Variants in GPR179 observed in about 807,000 individuals in gnomAD.
GPR179 encodes the protein G protein-coupled receptor 179, also known as probable G protein-coupled receptor 179.
Under a neutral mutation model 70.8 loss-of-function variants are expected in GPR179, and 52 were observed. The observed-to-expected ratio is 0.73, with a 90% CI of 0.59 to 0.93. The LOEUF (loss-of-function observed/expected upper bound fraction) is 0.93, where lower values mean the gene tolerates loss of function less well. GPR179 is among the 40% of genes least tolerant of loss of function. The probability of loss-of-function intolerance (pLI) is 0.00; values close to 1 mark genes in which losing one functional copy is unlikely to be tolerated. For synonymous variants in GPR179, 1,123 were observed against 1,169.0 expected, an observed-to-expected ratio of 0.96 and a Z score of 0.80; for missense variants, 2,734 against 2,966.8, an observed-to-expected ratio of 0.92 and a Z score of 1.82.
chr17:38,341,853 C>G (rs1273394466), intron 1 of GPR179, among the ~76,000 whole-genome samples: 1 of 152,168 alleles, frequency 6.6e-6, no homozygotes, highest in African/African-American at 2.4e-5. Context: ...TGTGGTGGCT[C>G]ACACCTGTAA....
chr17:38,331,257 G>T lies in GPR179; in HGVS notation c.2312C>A (p.Ser771Tyr). Reference protein sequence around the residue: ...EPEGTPALHKSRSTYDQRREQ... With the variant: ...EPEGTPALHKYRSTYDQRREQ... ...CCTGCGCTGGTCATAGGTGCTGCGG[G>T]ACTTGTGCAGAGCTGGTGTCCCCTC... Residue 771 changes from serine to tyrosine, a missense_variant, in exon 11 of 11, where the codon TCC (serine) becomes TAC (tyrosine). Physicochemically the swap from Ser to Tyr is moderately radical, Grantham distance 144. Transcript: ENST00000616987. The T allele has an allele frequency of 3.1e-6, 5 of 1,589,404 alleles. No individual in the cohort carries two copies. The highest frequency in any genetic ancestry group is 4.3e-6 in the Non-Finnish European group (5 of 1,168,676).
rs2037309609 is a variant in GPR179, at chr17:38,328,196, C to T, written c.5373G>A (p.Leu1791=). ...CACCTGGCCTGCAGCCCATATGATC[C>T]AGTTCCTGGAACCCAGCTTTTGGTC... is the stretch of plus-strand genomic sequence containing the variant. ...ADGPKAGFQE[L]DHMGCRPGEV... Residue 1791 remains leucine, a synonymous_variant, in exon 11 of 11, where the codon CTG becomes CTA. Coordinates refer to ENST00000616987, the MANE Select transcript of GPR179 (RefSeq NM_001004334.4). 1 of 1,612,950 alleles carries T rather than the reference C, an allele frequency of 6.2e-7. No homozygotes were observed. Among genetic ancestry groups the T allele is most frequent in the East Asian group, 2.2e-5 (1 of 44,794 alleles).
In GPR179 at chr17:38,339,324, G is replaced by A. The variant is rs918205858; in HGVS notation, c.903+93C>T. The A allele has an allele frequency of 5.3e-6, 4 of 758,572 alleles. No homozygotes were observed. In the Admixed American group the frequency reaches 6.5e-5, roughly 12 times the overall value. 47.0% of individuals were successfully genotyped at this position (758,572 alleles called of 1,614,324 possible). A position where few individuals can be genotyped will look rare whatever the true frequency, so the allele number is the denominator to read the frequency against. On this transcript the variant is annotated intron_variant, in intron 2 of 10. Coordinates refer to ENST00000616987, the MANE Select transcript of GPR179 (RefSeq NM_001004334.4). ...AGCCCTGAGATGCTGGGGTAGCTTT[G>A]TCTGCTGCTCCTGGGAGCTGCATGG...
chr17:38,337,288 G>C, intron 3 of GPR179, 75 bp from the exon 4 acceptor site: 1 of 1,494,300 alleles, frequency 6.7e-7, no homozygotes, highest in Non-Finnish European at 8.9e-7. Context: ...TTCCCTGATA[G>C]TCACCACAGC....
At position 38,330,250 on chromosome 17, in the gene GPR179, C is replaced by T; in HGVS notation, c.3319G>A (p.Val1107Met). 6.3e-7 allele frequency: 1 copy of T among 1,589,896 alleles called. No individual in the cohort carries two copies. Among genetic ancestry groups the T allele is most frequent in the Non-Finnish European group, 8.6e-7 (1 of 1,166,142 alleles). ...TTCTGCCCCTCGGGACTCTCCTCCA[C>T]ACTCTCCTTCTCTCTGTAGGTGCTC... ...SRSTYREKESVEESPEGQNSG... is the reference protein window; with the variant it reads ...SRSTYREKESMEESPEGQNSG... Residue 1107 changes from valine (V) to methionine (M), a missense_variant, in exon 11 of 11, where the codon GTG (valine) becomes ATG (methionine). Coordinates refer to ENST00000616987, the MANE Select transcript of GPR179 (RefSeq NM_001004334.4).
chr17:38,328,402 C>G lies in GPR179; in HGVS notation c.5167G>C (p.Ala1723Pro). The G allele has an allele frequency of 6.2e-7, 1 of 1,614,072 alleles. No homozygotes were observed. The highest frequency in any genetic ancestry group is 1.1e-5 in the South Asian group (1 of 91,080). The change falls in exon 11 of 11, where the codon GCC becomes CCC. Residue 1723 changes from alanine to proline, a missense_variant. By Grantham distance (27) the Ala-to-Pro change is conservative (BLOSUM62 -1). Coordinates refer to ENST00000616987, the MANE Select transcript of GPR179 (RefSeq NM_001004334.4). ...GTATCATTTGGAGATTTCCTAATGG[C>G]CTCAGCTCCCAAAGCCCTTTCCTCC... ...AGEERALGAEAIRKSPNDTGK... is the reference protein window; with the variant it reads ...AGEERALGAEPIRKSPNDTGK...
chr17:38,330,127 C>T lies in GPR179; in HGVS notation c.3442G>A (p.Asp1148Asn), dbSNP rs202183326. ...TGGTTCTGGAGGGACTCCTTGTCAT[C>T]GGAGGGGATAAGAGCGGCCTGCTTA... is the stretch of plus-strand genomic sequence containing the variant. ...VSKQAALIPS[D>N]DKESLQNQQN... Residue 1148 changes from aspartate (D) to asparagine (N), a missense_variant, in exon 11 of 11, where the codon GAT becomes AAT. Asp to Asn is a conservative substitution (Grantham distance 23). Transcript: ENST00000616987. 33 of 1,606,746 alleles carry T rather than the reference C, an allele frequency of 2.1e-5. No homozygotes were observed. The highest frequency in any genetic ancestry group is 4.0e-5 in the African/African-American group (3 of 74,740).
In GPR179 at chr17:38,331,152, G is replaced by A. The variant is rs760866614; in HGVS notation, c.2417C>T (p.Ser806Leu). The A allele has an allele frequency of 4.4e-6, 7 of 1,606,858 alleles. No homozygotes were observed. Among genetic ancestry groups the A allele is most frequent in the Admixed American group, 3.3e-5 (2 of 59,834 alleles). ...KKASRTESRE[S>L]VEGPPALGFR... ...GCCCAGGGCAGGGGGCCCCTCCACC[G>A]ACTCCCGGCTCTCTGTTCGAGAGGC... Residue 806 changes from serine to leucine, a missense_variant, in exon 11 of 11, where the codon TCG (serine) becomes TTG (leucine). Transcript: ENST00000616987.
intron 2 of GPR179, 140 bp downstream of exon 2, chr17:38,339,277 C>A: frequency 1.7e-6 from 1 of 597,978 alleles, no homozygotes; most frequent in Non-Finnish European, 3.0e-6. Context: ...TCACCTCTGC[C>A]AATCACTAGG....
chr17:38,336,829 G>T, intron 4 of GPR179, 149 bp downstream of exon 4: 1 of 805,788 alleles, frequency 1.2e-6, no homozygotes. Context: ...GGTCCAAGGC[G>T]GAGAAATCAC....
intron 10 of GPR179, among the ~76,000 whole-genome samples, chr17:38,332,186 G>A (rs1009010832): frequency 6.6e-6 from 1 of 152,154 alleles, no homozygotes; most frequent in African/African-American, 2.4e-5. Context: ...ACGGGCAGAG[G>A]CACTGGAACA....
rs964353825 is a variant in GPR179 at position 38,336,829 on chromosome 17, G to A, written c.1227+149C>T. On this transcript the variant is annotated intron_variant, in intron 4 of 10. Coordinates refer to ENST00000616987, the MANE Select transcript of GPR179 (RefSeq NM_001004334.4). ...ACAGATGAGGAAGCAGGTCCAAGGC[G>A]GAGAAATCACTTGCATCATGCTACA... 3.2e-5 allele frequency: 26 copies of A among 805,670 alleles called. No individual in the cohort carries two copies. The African/African-American group carries it at 3.6e-4, about 11-fold the overall frequency. 49.9% of individuals were successfully genotyped at this position (805,670 alleles called of 1,614,324 possible).
At position 38,341,841 on chromosome 17, in the gene GPR179, G is replaced by C. The variant is rs573456289; in HGVS notation, c.794+1155C>G. On this transcript the variant is annotated intron_variant, in intron 1 of 10. Coordinates refer to ENST00000616987, the MANE Select transcript of GPR179 (RefSeq NM_001004334.4). Reference sequence around the variant, plus strand: ...CCCCTCAAGAGTTTTCCTTCCGCTGGGTGTGGTGGCTCACACCTGTAATCC... The same window carrying C: ...CCCCTCAAGAGTTTTCCTTCCGCTGCGTGTGGTGGCTCACACCTGTAATCC... 1.8e-4 allele frequency among the ~76,000 whole-genome samples: 27 copies of C among 152,266 alleles called. 1 individual carries two copies. In the South Asian group the frequency reaches 5.6e-3, roughly 32 times the overall value.
Position 38,330,064 on chromosome 17 carries a change from G to T in GPR179, c.3505C>A (p.Gln1169Lys). 1 of 1,614,176 alleles carries T rather than the reference G, an allele frequency of 6.2e-7. No homozygotes were observed. The highest frequency in any genetic ancestry group is 8.5e-7 in the Non-Finnish European group (1 of 1,180,006). Reference sequence around the variant, plus strand: ...TCTTGTTCCCTGCTGCCCTCCCGTTGACAGACTTGGAGCATCCTGCTGGTG... The same window carrying T: ...TCTTGTTCCCTGCTGCCCTCCCGTTTACAGACTTGGAGCATCCTGCTGGTG... The part of the protein sequence containing the change: ...AHTSRMLQVC[Q>K]REGSREQEDR... The change falls in exon 11 of 11, where the codon CAA (glutamine) becomes AAA (lysine). Residue 1169 changes from glutamine to lysine, a missense_variant. Coordinates refer to ENST00000616987, the MANE Select transcript of GPR179 (RefSeq NM_001004334.4).
In GPR179 at chr17:38,343,823, G is replaced by T; in HGVS notation, c.-34C>A. On this transcript the variant is annotated 5_prime_UTR_variant, in exon 1 of 11. Coordinates refer to ENST00000616987, the MANE Select transcript of GPR179 (RefSeq NM_001004334.4). This position sits in a 1 kb window ranked among gnomAD's most constrained non-coding sequence, Gnocchi z 4.2. ...CAGCTCTCAGGACCCTGGGGTCCAG[G>T]CTCAGGAGAGCCCAGGCAGAGGCTG... The T allele has an allele frequency of 6.9e-7, 1 of 1,451,716 alleles. No individual in the cohort carries two copies. The allele number at this position is 1,451,716 out of a possible 1,614,324, so 89.9% of individuals were successfully genotyped here.
Position 38,329,670 on chromosome 17 carries a change from A to G in GPR179, c.3899T>C (p.Ile1300Thr), listed in dbSNP as rs780365326. The change falls in exon 11 of 11, where the codon ATA (isoleucine) becomes ACA (threonine). Residue 1300 changes from isoleucine (I) to threonine (T), a missense_variant. By Grantham distance (89) the Ile-to-Thr change is moderately conservative. Transcript: ENST00000616987. ...TTTCCGCATCATGGGAACCACATCT[A>G]TGGGCTCTGATTTTCCCCGGGCCTC... ...RGEARGKSEPIDVVPMMRKKP... is the reference protein window; with the variant it reads ...RGEARGKSEPTDVVPMMRKKP... 5.6e-6 allele frequency: 9 copies of G among 1,614,076 alleles called. No individual in the cohort carries two copies. The highest frequency in any genetic ancestry group is 2.2e-5 in the East Asian group (1 of 44,862).
At position 38,329,789 on chromosome 17, in the gene GPR179, G is replaced by A. The variant is rs2037333433; in HGVS notation, c.3780C>T (p.Asn1260=). Residue 1260 remains asparagine, a synonymous_variant, in exon 11 of 11, where the codon AAC becomes AAT. Coordinates refer to ENST00000616987, the MANE Select transcript of GPR179 (RefSeq NM_001004334.4). ...TCTCCCAGGGGCAGATTTCGGCCTTGTTGCCACTGTCTGGCTGACGCGTTT... is the reference window on the plus strand; with the variant it reads ...TCTCCCAGGGGCAGATTTCGGCCTTATTGCCACTGTCTGGCTGACGCGTTT... The part of the protein sequence containing the change: ...ESETRQPDSG[N]KAEICPWETS... 1.2e-6 allele frequency: 2 copies of A among 1,613,946 alleles called. No homozygotes were observed. The highest frequency in any genetic ancestry group is 1.1e-5 in the South Asian group (1 of 91,078).
Position 38,335,188 on chromosome 17 carries a change from A to G in GPR179, c.1490T>C (p.Leu497Pro). ...SGRLLRHLGLLLLPVLGFLAV... is the reference protein window; with the variant it reads ...SGRLLRHLGLPLLPVLGFLAV... Reference sequence around the variant, plus strand: ...CAGGAAGCCCAGCACAGGTAGCAGGAGCAGCCCCAGGTGCCGCAGCAGCCG... The same window carrying G: ...CAGGAAGCCCAGCACAGGTAGCAGGGGCAGCCCCAGGTGCCGCAGCAGCCG... Residue 497 changes from leucine (L) to proline (P), a missense_variant, in exon 7 of 11, where the codon CTC becomes CCC. Leu to Pro is a moderately conservative substitution (Grantham distance 98, BLOSUM62 -3). Coordinates refer to ENST00000616987, the MANE Select transcript of GPR179 (RefSeq NM_001004334.4). 1 of 1,567,806 alleles carries G rather than the reference A, an allele frequency of 6.4e-7. No homozygotes were observed. Among genetic ancestry groups the G allele is most frequent in the Non-Finnish European group, 8.6e-7 (1 of 1,156,798 alleles).
chr17:38,329,659 G>C lies in GPR179; in HGVS notation c.3910C>G (p.Pro1304Ala). ...CTCTCTGGCTTTTTCCGCATCATGG[G>C]AACCACATCTATGGGCTCTGATTTT... The part of the protein sequence containing the change: ...RGKSEPIDVV[P>A]MMRKKPERLV... Residue 1304 changes from proline to alanine, a missense_variant, in exon 11 of 11, where the codon CCC becomes GCC. Transcript: ENST00000616987. 1 of 1,614,166 alleles carries C rather than the reference G, an allele frequency of 6.2e-7. No homozygotes were observed. Among genetic ancestry groups the C allele is most frequent in the Non-Finnish European group, 8.5e-7 (1 of 1,180,044 alleles).
Sources: gnomAD v4.1 joint callset for allele counts (sites outside exome capture counted in the v4.1 genomes callset) on GRCh38, gnomAD v4.1.1 for gene constraint, Gnocchi (gnomAD v3.1) non-coding constraint, MANE v1.5 for transcripts, NCBI Gene and HGNC (gene_info 2026-07-23, HGNC 2026-07-21) for gene names.